GLIS3: variants seen among roughly 807,000 people sequenced by gnomAD.
The protein encoded by GLIS3 is zinc finger protein GLIS3.
A neutral mutation model predicts 78.6 loss-of-function variants in GLIS3; 53 were observed. That is an observed-to-expected ratio of 0.67 (90% CI 0.54 to 0.85). The LOEUF (loss-of-function observed/expected upper bound fraction) is 0.85, where lower values mean the gene tolerates loss of function less well. Ranked by LOEUF, GLIS3 falls within the 40% of genes least tolerant of loss-of-function variation. The pLI is 0.00. For synonymous variants in GLIS3, 684 were observed against 509.9 expected, an observed-to-expected ratio of 1.34 and a Z score of -4.60; for missense variants, 1,703 against 1,231.1, an observed-to-expected ratio of 1.38 and a Z score of -5.74.
At chr9:4,222,676 G>C (rs190763299) in intron 2 of GLIS3, among the ~76,000 whole-genome samples, 2 of 152,322 alleles carry the variant, frequency 1.3e-5, no homozygotes, top group Non-Finnish European at 2.9e-5. Context: ...CAGTGCTACT[G>C]TAAGAGGAAG....
intron 2 of GLIS3, among the ~76,000 whole-genome samples, chr9:4,226,517 C>T (rs1161124691): frequency 1.3e-5 from 2 of 152,080 alleles, no homozygotes; most frequent in East Asian, 3.9e-4. Flanking sequence ...ACAGAAACAA[C>T]CCGACTATGC....
At chr9:3,927,299 T>A (rs1825321888) in intron 6 of GLIS3, among the ~76,000 whole-genome samples, 1 of 152,200 alleles carries the variant, frequency 6.6e-6, no homozygotes, top group African/African-American at 2.4e-5. Context: ...TTTGTTGAGA[T>A]CTCTGGAGAA....
At chr9:4,411,670 G>C in the GLIS3 span, among the ~76,000 whole-genome samples, 4 of 152,098 alleles carry the variant, frequency 2.6e-5, no homozygotes, top group Admixed American at 6.6e-5. Flanking sequence ...CTGTATGGTA[G>C]ACAACCTTAA....
At chr9:4,369,939 C>A in the GLIS3 span, among the ~76,000 whole-genome samples, 1 of 152,150 alleles carries the variant, frequency 6.6e-6, no homozygotes, top group Non-Finnish European at 1.5e-5. Flanking sequence ...TGCCCATAAT[C>A]CCAGCATTTT....
chr9:4,257,477 T>C (rs753729322), intron 2 of GLIS3, among the ~76,000 whole-genome samples: 7 of 152,198 alleles, frequency 4.6e-5, no homozygotes, highest in Non-Finnish European at 7.3e-5. Flanking sequence ...TTTTGGGTAC[T>C]CTTACCACAA....
At chr9:3,840,689 C>T (rs1818658479) in intron 9 of GLIS3, among the ~76,000 whole-genome samples, 1 of 152,224 alleles carries the variant, frequency 6.6e-6, no homozygotes, top group African/African-American at 2.4e-5. Context: ...GAGCAACCGC[C>T]TGGTCCCTTT....
chr9:4,237,869 G>A lies in GLIS3; in HGVS notation c.388+48169C>T, dbSNP rs1281554845. The stretch of plus-strand genomic sequence containing the variant: ...TCTCTCCAGCTTCAGCATTTTATCA[G>A]TTTGATGTGGCTTTAAACAACTTTC... On this transcript the variant is annotated intron_variant, in intron 2 of 10. Transcript: ENST00000381971. Among the ~76,000 whole-genome samples the A allele has an allele frequency of 3.9e-5, 6 of 152,186 alleles. No homozygotes were observed. In the South Asian group the frequency reaches 1.2e-3, roughly 32 times the overall value.
At chr9:4,288,362 G>A (rs966413785) in intron 1 of GLIS3, among the ~76,000 whole-genome samples, 1 of 152,124 alleles carries the variant, frequency 6.6e-6, no homozygotes, top group Non-Finnish European at 1.5e-5. Context: ...ATGTCACATT[G>A]GCAACTTTTT....
chr9:4,229,880 C>A (rs907626889), intron 2 of GLIS3, among the ~76,000 whole-genome samples: 1 of 152,182 alleles, frequency 6.6e-6, no homozygotes, highest in African/African-American at 2.4e-5. Context: ...ATATTATTCT[C>A]CCTAGCTTGG....
intron 2 of GLIS3, among the ~76,000 whole-genome samples, chr9:4,213,159 A>G (rs1455586325): frequency 6.6e-6 from 1 of 152,118 alleles, no homozygotes; most frequent in Non-Finnish European, 1.5e-5. Flanking sequence ...CAGGTAAAAC[A>G]TCTCTTATTC....
chr9:3,909,474 C>T (rs954593900), intron 6 of GLIS3, among the ~76,000 whole-genome samples: 5 of 152,200 alleles, frequency 3.3e-5, no homozygotes, highest in Admixed American at 1.3e-4. Context: ...CTTAGAGAAA[C>T]GGCATTGGAA....
chr9:4,202,010 G>A (rs934073419), intron 2 of GLIS3, among the ~76,000 whole-genome samples: 5 of 151,922 alleles, frequency 3.3e-5, no homozygotes, highest in African/African-American at 1.2e-4. Context: ...GTGGTGGCAC[G>A]CACCTGTAAT....
chr9:4,234,079 GGTCA>G (rs1345114484), intron 2 of GLIS3, among the ~76,000 whole-genome samples: 3 of 152,102 alleles, frequency 2.0e-5, no homozygotes, highest in Admixed American at 1.3e-4. Context: ...GGAATTTTGT[GGTCA>G]GTATGACTGT....
chr9:4,040,935 G>C (rs552031093), intron 4 of GLIS3, among the ~76,000 whole-genome samples: 6 of 152,234 alleles, frequency 3.9e-5, no homozygotes, highest in Middle Eastern at 6.8e-3. Flanking sequence ...CAAAACATCA[G>C]GACCCACTCC....
At chr9:4,169,159 G>C (rs1200374266) in intron 2 of GLIS3, among the ~76,000 whole-genome samples, 1 of 152,062 alleles carries the variant, frequency 6.6e-6, no homozygotes, top group Non-Finnish European at 1.5e-5. Flanking sequence ...ACTATCAACT[G>C]GTACTCCTCT....
chr9:4,424,759 G>A, the GLIS3 span, among the ~76,000 whole-genome samples: 6 of 152,004 alleles, frequency 3.9e-5, no homozygotes, highest in South Asian at 8.3e-4. Context: ...TTGTAGAGAC[G>A]GGATTTTGCC....
intron 2 of GLIS3, among the ~76,000 whole-genome samples, chr9:4,261,267 G>C (rs1275681787): frequency 6.6e-6 from 1 of 152,170 alleles, no homozygotes; most frequent in Non-Finnish European, 1.5e-5. Context: ...CCAATTCAAT[G>C]TGAGCAGCTC....
chr9:4,172,562 G>C (rs368919530), intron 2 of GLIS3, among the ~76,000 whole-genome samples: 2 of 152,102 alleles, frequency 1.3e-5, no homozygotes, highest in East Asian at 3.9e-4. Flanking sequence ...ATCTGGACCT[G>C]GGTTTTGGTA....
At chr9:4,400,111 T>C in the GLIS3 span, among the ~76,000 whole-genome samples, 2,524 of 152,304 alleles carry the variant, frequency 0.017, 77 homozygotes, top group African/African-American at 0.057. Context: ...AGGAGTATCA[T>C]TGGTGTTTTC....
Sources: gnomAD v4.1 joint callset for allele counts (sites outside exome capture counted in the v4.1 genomes callset) on GRCh38, gnomAD v4.1.1 for gene constraint, MANE v1.5 for transcripts, NCBI Gene and HGNC (gene_info 2026-07-23, HGNC 2026-07-21) for gene names.